Variants in ICA1 observed in about 807,000 individuals in gnomAD.
ICA1 encodes the protein islet cell autoantigen 1, also known as 69 kDa islet cell autoantigen.
Under a neutral mutation model 71.0 loss-of-function variants are expected in ICA1, and 40 were observed. The ratio of observed to expected loss-of-function variants is 0.56; its 90% confidence interval spans 0.44 to 0.73. The LOEUF (loss-of-function observed/expected upper bound fraction) is 0.73. Ranked by LOEUF, ICA1 falls within the 30% of genes least tolerant of loss-of-function variation. The pLI is 0.00. For missense variants in ICA1, 578 were observed against 576.5 expected (o/e 1.00, Z -0.03); for synonymous variants, 207 against 209.5 (o/e 0.99, Z 0.10).
At chr7:8,252,849 T>G (rs928780476) in intron 1 of ICA1, among the ~76,000 whole-genome samples, 9 of 152,088 alleles carry the variant, frequency 5.9e-5, no homozygotes, top group African/African-American at 1.9e-4. Context: ...ATCAAATAAA[T>G]TATCAATTTA....
chr7:8,147,925 C>T (rs553491796), intron 8 of ICA1, among the ~76,000 whole-genome samples: 1 of 152,252 alleles, frequency 6.6e-6, no homozygotes, highest in South Asian at 2.1e-4. Context: ...GGGTTTTCTC[C>T]TGGCTCCACT....
At chr7:8,161,136 G>T (rs559158100) in intron 6 of ICA1, among the ~76,000 whole-genome samples, 2 of 152,214 alleles carry the variant, frequency 1.3e-5, no homozygotes, top group Admixed American at 1.3e-4. Flanking sequence ...TGCCTGGTGT[G>T]TGTCAGGACC....
chr7:8,184,130 C>T (rs961704644), intron 6 of ICA1, among the ~76,000 whole-genome samples: 3 of 152,176 alleles, frequency 2.0e-5, no homozygotes, highest in Non-Finnish European at 4.4e-5. Context: ...TTTTAACTTC[C>T]AAAAGCAAGG....
Position 8,223,157 on chromosome 7 carries a change from A to T in ICA1, c.257-1759T>A, listed in dbSNP as rs1008993426. Among the ~76,000 whole-genome samples the T allele has an allele frequency of 6.6e-6, 1 of 152,192 alleles. No individual in the cohort carries two copies. Among genetic ancestry groups the T allele is most frequent in the Non-Finnish European group, 1.5e-5 (1 of 68,034 alleles). On this transcript the variant is annotated intron_variant, in intron 4 of 13. Transcript: ENST00000402384. The surrounding 1 kb of genome is among the most constrained non-coding windows in gnomAD (Gnocchi z 4.1). ...TTCCTTCTCCTCCCCACTGATTAAT[A>T]TGTGCCTCACTCAATTCCACAATGA...
At chr7:8,124,916 G>C (rs1788568959) in intron 13 of ICA1, among the ~76,000 whole-genome samples, 1 of 151,970 alleles carries the variant, frequency 6.6e-6, no homozygotes, top group South Asian at 2.1e-4. Flanking sequence ...AGCCTCCCGA[G>C]TAGCTGGACC....
intron 6 of ICA1, among the ~76,000 whole-genome samples, chr7:8,186,625 G>A (rs1355663500): frequency 6.6e-6 from 1 of 152,140 alleles, no homozygotes; most frequent in Non-Finnish European, 1.5e-5. Flanking sequence ...AAATAAATGG[G>A]TCAGAAAAGA....
chr7:8,247,011 G>A (rs1255829616), intron 1 of ICA1, among the ~76,000 whole-genome samples: 4 of 152,078 alleles, frequency 2.6e-5, no homozygotes, highest in Non-Finnish European at 5.9e-5. Flanking sequence ...CTCCCAAAGT[G>A]CTGGGATTAC....
chr7:8,124,591 C>T (rs1476001353), intron 13 of ICA1, among the ~76,000 whole-genome samples: 1 of 152,064 alleles, frequency 6.6e-6, no homozygotes, highest in Non-Finnish European at 1.5e-5. Context: ...TCATTTGTAA[C>T]AAACACGTGT....
intron 5 of ICA1, among the ~76,000 whole-genome samples, chr7:8,219,606 C>T (rs1331415574): frequency 2.0e-5 from 3 of 152,224 alleles, no homozygotes; most frequent in African/African-American, 7.2e-5. Flanking sequence ...CTCACACTGT[C>T]CTACCTAGAT....
chr7:8,221,449 C>CA (rs759211557), intron 4 of ICA1, 51 bp from the exon 5 acceptor site: 181 of 1,597,220 alleles, frequency 1.1e-4, no homozygotes, highest in Non-Finnish European at 1.5e-4. Context: ...ATTTTGATTG[C>CA]AAAGGGAACA....
chr7:8,212,634 T>C (rs992278900), intron 6 of ICA1, among the ~76,000 whole-genome samples: 4 of 152,104 alleles, frequency 2.6e-5, no homozygotes, highest in Admixed American at 2.6e-4. Flanking sequence ...TCACCTTCAG[T>C]GGATGAGAAA....
chr7:8,152,790 A>G (rs1288461899), intron 8 of ICA1, among the ~76,000 whole-genome samples: 3 of 95,600 alleles, frequency 3.1e-5, no homozygotes, highest in Non-Finnish European at 6.8e-5. Context: ...CACCATCACC[A>G]TCACCTCCAC....
chr7:8,225,933 G>A (rs1045887268), intron 4 of ICA1, among the ~76,000 whole-genome samples: 21 of 152,202 alleles, frequency 1.4e-4, no homozygotes, highest in Admixed American at 2.6e-4. Context: ...ATGAGAGTAC[G>A]GCTTCCATGT....
chr7:8,118,683 G>C lies in ICA1; in HGVS notation c.1331-4639C>G, dbSNP rs148234612. On this transcript the variant is annotated intron_variant, in intron 13 of 13. Transcript: ENST00000402384. ...TGTGTGCCAAATAATGCTGATCATA[G>C]AAAAGCTGAGAAGTATTGAATCTAA... 3.1e-3 allele frequency among the ~76,000 whole-genome samples: 467 copies of C among 152,280 alleles called. 1 individual carries two copies. Among genetic ancestry groups the C allele is most frequent in the African/African-American group, 7.8e-3 (324 of 41,546 alleles).
At chr7:8,242,592 CA>C in intron 1 of ICA1, among the ~76,000 whole-genome samples, 1 of 151,530 alleles carries the variant, frequency 6.6e-6, no homozygotes, top group East Asian at 1.9e-4. Context: ...AGATAAGACA[CA>C]AAAAACCCTT....
In ICA1 at chr7:8,144,459, G is replaced by A. The variant is rs527338856; in HGVS notation, c.805-487C>T. ...TAAAACCCAGTTTTAAAAAATAACAGAAAACAAAACCTTTTCTTAAAAAAC... is the reference window on the plus strand; with the variant it reads ...TAAAACCCAGTTTTAAAAAATAACAAAAAACAAAACCTTTTCTTAAAAAAC... On this transcript the variant is annotated intron_variant, in intron 8 of 13. Transcript: ENST00000402384. The surrounding 1 kb of genome is among the most constrained non-coding windows in gnomAD (Gnocchi z 4.5). Among the ~76,000 whole-genome samples, 2 of 152,218 alleles carry A rather than the reference G, an allele frequency of 1.3e-5. No homozygotes were observed. The highest frequency in any genetic ancestry group is 2.1e-4 in the South Asian group (1 of 4,822).
rs140068526 is a variant in ICA1, at chr7:8,167,923, G to A, written c.580-9271C>T. Among the ~76,000 whole-genome samples the A allele has an allele frequency of 1.7e-3, 255 of 152,254 alleles. 1 individual carries two copies. Among genetic ancestry groups the A allele is most frequent in the African/African-American group, 5.9e-3 (244 of 41,556 alleles). Reference sequence around the variant, plus strand: ...TCTGTTGGCTAAAGCATTAGGGGCAGACAATCTTGCCATTTAAATTTCTTG... The same window carrying A: ...TCTGTTGGCTAAAGCATTAGGGGCAAACAATCTTGCCATTTAAATTTCTTG... On this transcript the variant is annotated intron_variant, in intron 6 of 13. Transcript: ENST00000402384.
At chr7:8,243,734 T>C (rs1367164586) in intron 1 of ICA1, among the ~76,000 whole-genome samples, 12 of 152,150 alleles carry the variant, frequency 7.9e-5, no homozygotes. Context: ...GGATACAAAA[T>C]CAATGTGCAA....
Position 8,218,348 on chromosome 7 carries a change from T to C in ICA1, c.536A>G (p.Glu179Gly). ...ALLWMKDVSQ[E>G]LDPDLYKQME... ...TTGCTTGTAGAGGTCTGGATCAAGC[T>C]CCTGAGACACGTCCTTCATCCATAA... Residue 179 changes from glutamate (E) to glycine (G), a missense_variant, in exon 6 of 14, where the codon GAG becomes GGG. Glu to Gly is a moderately conservative substitution (Grantham distance 98). Transcript: ENST00000402384. The C allele has an allele frequency of 6.2e-7, 1 of 1,614,134 alleles. No individual in the cohort carries two copies. The highest frequency in any genetic ancestry group is 1.1e-5 in the South Asian group (1 of 91,082).
Sources: allele counts gnomAD v4.1 joint callset (sites outside exome capture counted in the v4.1 genomes callset), GRCh38; gene constraint gnomAD v4.1.1; non-coding constraint Gnocchi (gnomAD v3.1); transcripts MANE v1.5; gene names NCBI Gene and HGNC (gene_info 2026-07-23, HGNC 2026-07-21).